Variants in RIT2 observed in about 807,000 individuals in gnomAD.
RIT2 encodes Ras like without CAAX 2.
In RIT2, 24 loss-of-function variants were observed where a neutral mutation model predicts 23.7. That is an observed-to-expected ratio of 1.01 (90% confidence interval 0.73 to 1.43). The LOEUF is 1.43. Among genes scored for constraint, RIT2 ranks in the 40% most tolerant of loss-of-function variants. The pLI, the probability that RIT2 is intolerant of heterozygous loss-of-function variation, is 0.00. For synonymous variants in RIT2, 107 were observed against 91.1 expected (o/e 1.17, Z -0.99); for missense variants, 236 against 266.9 (o/e 0.88, Z 0.81).
At chr18:43,037,705 A>T (rs140646947) in intron 1 of RIT2, among the ~76,000 whole-genome samples, 1 of 152,208 alleles carries the variant, frequency 6.6e-6, no homozygotes, top group African/African-American at 2.4e-5. Flanking sequence ...TTATGATAGA[A>T]TTCATGGGTA....
At position 42,953,163 on chromosome 18, in the gene RIT2, T is replaced by G. The variant is rs192565513; in HGVS notation, c.234+20911A>C. On this transcript the variant is annotated intron_variant, in intron 3 of 4. Coordinates refer to ENST00000326695, the MANE Select transcript of RIT2 (RefSeq NM_002930.4). ...TCTTCTCTTTTTGTCTTTGTGATCATGCAAATTTTAGTATTTTAATATCAT... is the reference window on the plus strand; with the variant it reads ...TCTTCTCTTTTTGTCTTTGTGATCAGGCAAATTTTAGTATTTTAATATCAT... Among the ~76,000 whole-genome samples the G allele has an allele frequency of 8.9e-4, 135 of 152,266 alleles. 1 individual carries two copies. The highest frequency in any genetic ancestry group is 1.7e-3 in the Admixed American group (26 of 15,278).
intron 2 of RIT2, among the ~76,000 whole-genome samples, chr18:42,986,676 A>G (rs1910717492): frequency 6.6e-6 from 1 of 151,594 alleles, no homozygotes; most frequent in South Asian, 2.1e-4. Flanking sequence ...TAATTTTTGT[A>G]TTTTTAGTTG....
chr18:42,958,554 G>T (rs2144183001), intron 3 of RIT2, among the ~76,000 whole-genome samples: 1 of 152,240 alleles, frequency 6.6e-6, no homozygotes, highest in East Asian at 1.9e-4. Flanking sequence ...ATAATAAAAT[G>T]AGGAGATGAG....
intron 4 of RIT2, among the ~76,000 whole-genome samples, chr18:42,895,079 A>G (rs1908287794): frequency 1.3e-5 from 2 of 152,188 alleles, no homozygotes. Flanking sequence ...AGATAGTTTT[A>G]TGATAAGAAA....
At chr18:42,847,026 C>CA (rs1906928184) in intron 4 of RIT2, among the ~76,000 whole-genome samples, 1 of 152,050 alleles carries the variant, frequency 6.6e-6, no homozygotes, top group South Asian at 2.1e-4. Context: ...CGGTTACATA[C>CA]GCCTCTTTCT....
At chr18:42,759,464 T>C (rs1369126513) in intron 4 of RIT2, among the ~76,000 whole-genome samples, 1 of 152,114 alleles carries the variant, frequency 6.6e-6, no homozygotes, top group East Asian at 1.9e-4. Context: ...CCCAGGACTT[T>C]TTATTACCCT....
chr18:42,923,535 CA>C, intron 4 of RIT2, 36 bp downstream of exon 4: 1 of 1,583,528 alleles, frequency 6.3e-7, no homozygotes, highest in East Asian at 2.2e-5. Flanking sequence ...ATCCTCAGAG[CA>C]AAAGACAGAA....
chr18:43,085,767 G>T (rs1014632228), intron 1 of RIT2, among the ~76,000 whole-genome samples: 4 of 152,134 alleles, frequency 2.6e-5, no homozygotes, highest in African/African-American at 9.7e-5. Context: ...ATTTTGAATT[G>T]TAGCTCCCAT....
chr18:42,779,468 A>G (rs1368993956), intron 4 of RIT2, among the ~76,000 whole-genome samples: 1 of 152,104 alleles, frequency 6.6e-6, no homozygotes. Flanking sequence ...GGTGGTTAAA[A>G]ATCTCCCAGC....
At chr18:42,810,221 T>G (rs1905813321) in intron 4 of RIT2, among the ~76,000 whole-genome samples, 1 of 151,570 alleles carries the variant, frequency 6.6e-6, no homozygotes, top group East Asian at 1.9e-4. Context: ...TGGGGCTGTA[T>G]TAATAAATAA....
chr18:42,861,276 C>G (rs1041022065), intron 4 of RIT2, among the ~76,000 whole-genome samples: 2 of 152,180 alleles, frequency 1.3e-5, no homozygotes, highest in African/African-American at 4.8e-5. Flanking sequence ...TTTGACTAAC[C>G]TGATGGCAGT....
intron 4 of RIT2, among the ~76,000 whole-genome samples, chr18:42,889,802 G>A (rs1242253028): frequency 2.6e-5 from 4 of 151,986 alleles, no homozygotes; most frequent in Non-Finnish European, 2.9e-5. Context: ...TGTTGACAAC[G>A]AAGGTTCAGA....
chr18:42,821,698 C>T (rs958768033), intron 4 of RIT2, among the ~76,000 whole-genome samples: 1 of 152,104 alleles, frequency 6.6e-6, no homozygotes, highest in African/African-American at 2.4e-5. Context: ...TGTCCTTTGA[C>T]TACTTGCCCT....
At chr18:42,906,817 G>T (rs1427629123) in intron 4 of RIT2, among the ~76,000 whole-genome samples, 1 of 152,116 alleles carries the variant, frequency 6.6e-6, no homozygotes, top group Admixed American at 6.6e-5. Flanking sequence ...AACCAGTAAT[G>T]AAAACAATAC....
rs1312739415 is a variant in RIT2, at chr18:42,998,725, A to T, written c.161-24578T>A. On this transcript the variant is annotated intron_variant, in intron 2 of 4. Coordinates refer to ENST00000326695, the MANE Select transcript of RIT2 (RefSeq NM_002930.4). ...AGATATCAAGATCATGTATAGCCAG[A>T]CTGGGCTCCCAATTTTGCCAAGTGG... 4.6e-5 allele frequency among the ~76,000 whole-genome samples: 7 copies of T among 152,082 alleles called. No individual in the cohort carries two copies. In the South Asian group the frequency reaches 8.3e-4, roughly 18 times the overall value.
intron 4 of RIT2, among the ~76,000 whole-genome samples, chr18:42,843,561 G>A (rs1157423545): frequency 4.6e-5 from 7 of 152,190 alleles, no homozygotes; most frequent in Admixed American, 4.6e-4. Context: ...AGCTGAAGTA[G>A]GAGATTTTAT....
At chr18:42,882,153 A>T (rs1907912000) in intron 4 of RIT2, among the ~76,000 whole-genome samples, 2 of 152,236 alleles carry the variant, frequency 1.3e-5, no homozygotes, top group Non-Finnish European at 2.9e-5. Flanking sequence ...CTGGGTACTA[A>T]GATACAGGCT....
At position 43,049,972 on chromosome 18, in the gene RIT2, C is replaced by CTTTTTTTT. The variant is rs755291383; in HGVS notation, c.104-16113_104-16106dup. On this transcript the variant is annotated intron_variant, in intron 1 of 4. Coordinates refer to ENST00000326695, the MANE Select transcript of RIT2 (RefSeq NM_002930.4). ...CAATGGGTAATTGAGAAGGGATTTC[C>CTTTTTTTT]TTTTTTTTTTTTTTTTTTTTTTTTT... 1.9e-3 allele frequency among the ~76,000 whole-genome samples: 127 copies of CTTTTTTTT among 66,002 alleles called. 9 individuals carry two copies. The highest frequency in any genetic ancestry group is 0.01 in the East Asian group (10 of 976). The allele number at this position is 66,002 out of a possible 152,430, so 43.3% of individuals were successfully genotyped here.
chr18:42,796,609 G>C (rs893833630), intron 4 of RIT2, among the ~76,000 whole-genome samples: 1 of 152,292 alleles, frequency 6.6e-6, no homozygotes, highest in East Asian at 1.9e-4. Context: ...TTTTCTGTTA[G>C]TGATTTTCCA....
Sources: allele counts gnomAD v4.1 joint callset (sites outside exome capture counted in the v4.1 genomes callset), GRCh38; gene constraint gnomAD v4.1.1; transcripts MANE v1.5; gene names NCBI Gene and HGNC (gene_info 2026-07-23, HGNC 2026-07-21).